The following PICALM variants were observed in gnomAD, a reference collection of about 807,000 sequenced individuals.
PICALM encodes phosphatidylinositol binding clathrin assembly protein, also known as phosphatidylinositol-binding clathrin assembly protein.
In PICALM, 40 loss-of-function variants were observed where a neutral mutation model predicts 80.5. The ratio of observed to expected loss-of-function variants is 0.50; its 90% CI spans 0.39 to 0.65. The LOEUF (loss-of-function observed/expected upper bound fraction) is 0.65. PICALM is among the 30% of genes least tolerant of loss of function. PICALM has a pLI of 0.00. For missense variants in PICALM, 676 were observed against 778.9 expected (o/e 0.87, Z 1.57); for synonymous variants, 288 against 260.3 (o/e 1.11, Z -1.02).
Position 86,068,954 on chromosome 11 carries a change from G to C in PICALM, c.-174C>G, listed in dbSNP as rs540816826. ...CGCTGCCACCAGTCCAGAGAGAACCGGCTCGTGTCACCCGCGGAGTCGGAC... is the reference window on the plus strand; with the variant it reads ...CGCTGCCACCAGTCCAGAGAGAACCCGCTCGTGTCACCCGCGGAGTCGGAC... On this transcript the variant is annotated 5_prime_UTR_variant, in exon 1 of 20. Coordinates refer to ENST00000393346, the MANE Select transcript of PICALM (RefSeq NM_007166.4). 3 of 783,640 alleles carry C rather than the reference G, an allele frequency of 3.8e-6. No individual in the cohort carries two copies. The highest frequency in any genetic ancestry group is 5.8e-6 in the Non-Finnish European group (3 of 514,936). 48.5% of individuals were successfully genotyped at this position (783,640 alleles called of 1,614,324 possible). A position where few individuals can be genotyped will look rare whatever the true frequency, so the allele number is the denominator to read the frequency against.
intron 1 of PICALM, among the ~76,000 whole-genome samples, chr11:86,037,798 A>G (rs181672084): frequency 7.8e-4 from 119 of 152,354 alleles, no homozygotes; most frequent in African/African-American, 2.8e-3. Flanking sequence ...AAAATGACTT[A>G]GCAACTATGT....
intron 13 of PICALM, among the ~76,000 whole-genome samples, chr11:85,988,689 A>G (rs543839628): frequency 6.6e-6 from 1 of 152,172 alleles, no homozygotes; most frequent in South Asian, 2.1e-4. Context: ...GAAAAAAAAG[A>G]AAGAGAAGAG....
chr11:85,995,553 T>C (rs1355607522), intron 12 of PICALM, among the ~76,000 whole-genome samples: 1 of 152,218 alleles, frequency 6.6e-6, no homozygotes, highest in Admixed American at 6.5e-5. Flanking sequence ...GCAGTTCAGC[T>C]TCTTTGAAAT....
At chr11:86,031,700 T>G (rs1291897880) in intron 1 of PICALM, 89 bp from the exon 2 acceptor site, 2 of 917,156 alleles carry the variant, frequency 2.2e-6, no homozygotes, top group Non-Finnish European at 3.3e-6. Context: ...GGCAAAAGAT[T>G]TAACACAAAG....
At chr11:86,025,805 C>G (rs1264106056) in intron 3 of PICALM, among the ~76,000 whole-genome samples, 2 of 152,060 alleles carry the variant, frequency 1.3e-5, no homozygotes, top group Non-Finnish European at 2.9e-5. Context: ...GTGACCCACC[C>G]GCCTCAGCCT....
intron 11 of PICALM, among the ~76,000 whole-genome samples, chr11:85,998,943 A>AG (rs2095060186): frequency 6.6e-6 from 1 of 152,202 alleles, no homozygotes; most frequent in Non-Finnish European, 1.5e-5. Context: ...TAACTTATAT[A>AG]TTCTCCAAAA....
intron 12 of PICALM, among the ~76,000 whole-genome samples, chr11:85,995,680 T>A (rs2094936560): frequency 6.6e-6 from 1 of 152,234 alleles, no homozygotes; most frequent in East Asian, 1.9e-4. Flanking sequence ...AAGCTGAAAC[T>A]GCTTAAATGG....
At chr11:85,998,788 G>A (rs751936594) in intron 11 of PICALM, among the ~76,000 whole-genome samples, 1 of 152,086 alleles carries the variant, frequency 6.6e-6, no homozygotes, top group Non-Finnish European at 1.5e-5. Context: ...AAAAGAGAGA[G>A]AGAGATTGAG....
chr11:85,973,146 TA>T (rs34260197), intron 19 of PICALM, among the ~76,000 whole-genome samples: 2 of 151,982 alleles, frequency 1.3e-5, no homozygotes, highest in Non-Finnish European at 2.9e-5. Context: ...AAGGGTGGGG[TA>T]AAAAAAGAGG....
chr11:86,064,103 T>C (rs2096409665), intron 1 of PICALM, among the ~76,000 whole-genome samples: 1 of 152,242 alleles, frequency 6.6e-6, no homozygotes. Context: ...TGGTATGTTA[T>C]ACGCATTTTT....
chr11:86,034,812 G>A (rs1216575073), intron 1 of PICALM, among the ~76,000 whole-genome samples: 1 of 152,192 alleles, frequency 6.6e-6, no homozygotes, highest in Non-Finnish European at 1.5e-5. Flanking sequence ...TGTAGAGAAA[G>A]CAGAAGGAAC....
intron 1 of PICALM, among the ~76,000 whole-genome samples, chr11:86,043,002 C>G (rs1285312053): frequency 6.6e-6 from 1 of 152,172 alleles, no homozygotes; most frequent in Non-Finnish European, 1.5e-5. Flanking sequence ...TTAGGAATGA[C>G]CAACCGTCCT....
At chr11:86,013,232 T>C (rs1050615442) in intron 5 of PICALM, among the ~76,000 whole-genome samples, 8 of 152,066 alleles carry the variant, frequency 5.3e-5, no homozygotes, top group Non-Finnish European at 1.2e-4. Context: ...GGAGGATTGC[T>C]TGAGCCCAGG....
intron 1 of PICALM, among the ~76,000 whole-genome samples, chr11:86,066,000 A>T (rs2096442597): frequency 6.6e-6 from 1 of 152,218 alleles, no homozygotes; most frequent in African/African-American, 2.4e-5. Flanking sequence ...TTAGATTCAT[A>T]TAAATAAGCA....
At chr11:86,035,303 A>T (rs1406641788) in intron 1 of PICALM, among the ~76,000 whole-genome samples, 2 of 152,148 alleles carry the variant, frequency 1.3e-5, no homozygotes, top group Non-Finnish European at 2.9e-5. Flanking sequence ...TAGAAACTTA[A>T]ATTAGGACAC....
chr11:86,035,652 T>C (rs868127484), intron 1 of PICALM, among the ~76,000 whole-genome samples: 6 of 152,078 alleles, frequency 3.9e-5, no homozygotes, highest in Middle Eastern at 3.4e-3. Context: ...TCTAGAAAAC[T>C]GGAGATACGG....
chr11:86,012,457 T>G, intron 5 of PICALM, 65 bp from the exon 6 acceptor site: 2 of 880,116 alleles, frequency 2.3e-6, no homozygotes, highest in South Asian at 1.4e-5. Context: ...ACAAAAAGAT[T>G]TCCTTCAAAT....
intron 14 of PICALM, 109 bp from the exon 15 acceptor site, chr11:85,982,112 TC>T: frequency 1.1e-6 from 1 of 946,092 alleles, no homozygotes; most frequent in African/African-American, 1.7e-5. Flanking sequence ...GGAAAAGTTA[TC>T]CAAAAAATAG....
chr11:85,963,273 AT>A (rs1461955406), intron 19 of PICALM, among the ~76,000 whole-genome samples: 2 of 152,216 alleles, frequency 1.3e-5, no homozygotes, highest in African/African-American at 4.8e-5. Flanking sequence ...AGCATATGTA[AT>A]TTGTTGTTCT....
Sources: allele counts gnomAD v4.1 joint callset (sites outside exome capture counted in the v4.1 genomes callset), GRCh38; gene constraint gnomAD v4.1.1; transcripts MANE v1.5; gene names NCBI Gene and HGNC (gene_info 2026-07-23, HGNC 2026-07-21).